The following DAB1 variants were observed in gnomAD, a reference collection of about 807,000 sequenced individuals.
The protein encoded by DAB1 is DAB adaptor protein 1, also known as disabled homolog 1.
A neutral mutation model predicts 64.6 loss-of-function variants in DAB1; 15 were observed. The ratio of observed to expected loss-of-function variants is 0.23; its 90% CI spans 0.16 to 0.36. The LOEUF (loss-of-function observed/expected upper bound fraction) is 0.36. DAB1 is among the 10% of genes least tolerant of loss of function. The probability of loss-of-function intolerance (pLI) is 1.00; values close to 1 mark genes in which losing one functional copy is unlikely to be tolerated. For synonymous variants in DAB1, 235 were observed against 251.9 expected, an observed-to-expected ratio of 0.93 and a Z score of 0.64; for missense variants, 596 against 706.7, an observed-to-expected ratio of 0.84 and a Z score of 1.78.
intron 7 of DAB1, among the ~76,000 whole-genome samples, chr1:57,486,106 A>G (rs532094911): frequency 9.2e-5 from 14 of 152,298 alleles, no homozygotes; most frequent in Admixed American, 7.8e-4. Context: ...AAACAGATAA[A>G]TTAGGTTAAT....
intron 6 of DAB1, among the ~76,000 whole-genome samples, chr1:57,803,196 A>G (rs1458905265): frequency 3.3e-5 from 5 of 152,234 alleles, no homozygotes; most frequent in Non-Finnish European, 7.3e-5. Flanking sequence ...AAAAATTTAC[A>G]AGGATGCCAC....
chr1:57,879,711 A>C (rs983538869), intron 1 of DAB1, among the ~76,000 whole-genome samples: 2 of 152,150 alleles, frequency 1.3e-5, no homozygotes, highest in South Asian at 2.1e-4. Context: ...ACAAGAGCCC[A>C]GTGACTCCAC....
chr1:57,244,592 A>C (rs1391613812), intron 2 of DAB1, among the ~76,000 whole-genome samples: 1 of 152,136 alleles, frequency 6.6e-6, no homozygotes, highest in Non-Finnish European at 1.5e-5. Context: ...TTGTACTATT[A>C]CTCTTGACCA....
intron 4 of DAB1, among the ~76,000 whole-genome samples, chr1:57,095,724 G>A (rs1380199109): frequency 6.6e-6 from 1 of 152,174 alleles, no homozygotes; most frequent in African/African-American, 2.4e-5. Context: ...TTTGGAGTGT[G>A]AGGCAGGTGA....
chr1:57,546,764 G>A (rs929820628), intron 7 of DAB1, among the ~76,000 whole-genome samples: 5 of 152,120 alleles, frequency 3.3e-5, no homozygotes, highest in African/African-American at 1.2e-4. Context: ...TACAACTACA[G>A]TCTATAATGT....
intron 6 of DAB1, among the ~76,000 whole-genome samples, chr1:57,808,360 A>G (rs961931902): frequency 6.6e-6 from 1 of 152,150 alleles, no homozygotes; most frequent in Non-Finnish European, 1.5e-5. Flanking sequence ...AGCTTGTCAG[A>G]GCACTCGGTA....
At chr1:58,086,830 A>G (rs533547285) in intron 5 of DAB1, among the ~76,000 whole-genome samples, 3 of 151,898 alleles carry the variant, frequency 2.0e-5, no homozygotes, top group African/African-American at 4.8e-5. Flanking sequence ...TTAAAGCCCA[A>G]TAAGATGTCT....
At chr1:58,159,568 G>A (rs1383522938) in intron 4 of DAB1, among the ~76,000 whole-genome samples, 1 of 152,146 alleles carries the variant, frequency 6.6e-6, no homozygotes, top group Non-Finnish European at 1.5e-5. Flanking sequence ...TCTCCACGCT[G>A]TACACTCAAC....
chr1:57,186,472 T>C (rs1360600587), intron 2 of DAB1, among the ~76,000 whole-genome samples: 1 of 152,334 alleles, frequency 6.6e-6, no homozygotes, highest in East Asian at 1.9e-4. Context: ...TGGATCTTCA[T>C]GTGAATCAGG....
chr1:58,350,327 T>C (rs1015945241), intron 3 of DAB1, among the ~76,000 whole-genome samples: 9 of 152,228 alleles, frequency 5.9e-5, no homozygotes, highest in Admixed American at 5.2e-4. Context: ...TGTAAATTTG[T>C]TTAAATTCCT....
At chr1:57,578,790 G>C (rs185766462) in intron 7 of DAB1, among the ~76,000 whole-genome samples, 26 of 152,272 alleles carry the variant, frequency 1.7e-4, no homozygotes, top group African/African-American at 5.5e-4. Flanking sequence ...CTGGTAGGAG[G>C]GTTCATGTGG....
At chr1:58,139,336 A>G (rs1447762343) in intron 5 of DAB1, among the ~76,000 whole-genome samples, 1 of 152,180 alleles carries the variant, frequency 6.6e-6, no homozygotes, top group African/African-American at 2.4e-5. Flanking sequence ...CCCGAGACTG[A>G]GCAATTTATA....
intron 1 of DAB1, among the ~76,000 whole-genome samples, chr1:57,379,742 G>C (rs1681205628): frequency 6.6e-6 from 1 of 152,168 alleles, no homozygotes; most frequent in Admixed American, 6.5e-5. Flanking sequence ...ACTGGATACG[G>C]TGTGAACTCC....
At chr1:57,188,671 T>C (rs1222692153) in intron 2 of DAB1, among the ~76,000 whole-genome samples, 5 of 152,134 alleles carry the variant, frequency 3.3e-5, no homozygotes, top group Non-Finnish European at 7.3e-5. Context: ...TTTGCCACTT[T>C]CTGGTCTTGA....
At chr1:57,693,270 G>T (rs900596645) in intron 6 of DAB1, among the ~76,000 whole-genome samples, 1 of 151,190 alleles carries the variant, frequency 6.6e-6, no homozygotes, top group Non-Finnish European at 1.5e-5. Flanking sequence ...GGGGTGTCCT[G>T]TTTAGAGGGG....
At chr1:57,150,418 T>C (rs558969665) in intron 2 of DAB1, among the ~76,000 whole-genome samples, 70 of 152,332 alleles carry the variant, frequency 4.6e-4, no homozygotes, top group African/African-American at 1.7e-3. Flanking sequence ...TAATTAATTA[T>C]ATGATCATCA....
chr1:58,166,417 G>GTT (rs1464156315), intron 4 of DAB1, among the ~76,000 whole-genome samples: 1 of 152,124 alleles, frequency 6.6e-6, no homozygotes, highest in East Asian at 1.9e-4. Flanking sequence ...TGTATGTGAT[G>GTT]TTTTGCATCT....
At chr1:57,355,998 C>T (rs542468929) in intron 1 of DAB1, among the ~76,000 whole-genome samples, 151 of 152,088 alleles carry the variant, frequency 9.9e-4, no homozygotes, top group Non-Finnish European at 1.7e-3. Flanking sequence ...ATTCTTCTGT[C>T]GCCCTTATCA....
chr1:57,847,765 C>A (rs550214612), intron 1 of DAB1, among the ~76,000 whole-genome samples: 1 of 151,968 alleles, frequency 6.6e-6, no homozygotes, highest in Non-Finnish European at 1.5e-5. Flanking sequence ...ATAGAAATAA[C>A]CTTCTTGATA....
Sources: allele counts gnomAD v4.1 joint callset (sites outside exome capture counted in the v4.1 genomes callset), GRCh38; gene constraint gnomAD v4.1.1; transcripts MANE v1.5; gene names NCBI Gene and HGNC (gene_info 2026-07-23, HGNC 2026-07-21).